Variants in PCDH7 observed in about 807,000 individuals in gnomAD.
The protein encoded by PCDH7 is protocadherin-7.
Under a neutral mutation model 58.9 loss-of-function variants are expected in PCDH7, and 17 were observed. The ratio of observed to expected loss-of-function variants is 0.29; its 90% CI spans 0.20 to 0.43. The LOEUF (loss-of-function observed/expected upper bound fraction) is 0.43, where lower values mean the gene tolerates loss of function less well. PCDH7 is among the 20% of genes least tolerant of loss of function. PCDH7 has a pLI of 1.00. For missense variants in PCDH7, 1,274 were observed against 1,441.0 expected (o/e 0.88, Z 1.88); for synonymous variants, 664 against 616.4 (o/e 1.08, Z -1.14).
chr4:30,972,423 A>G (rs1452963284), intron 3 of PCDH7, among the ~76,000 whole-genome samples: 1 of 152,218 alleles, frequency 6.6e-6, no homozygotes, highest in Non-Finnish European at 1.5e-5. Context: ...CAAAGGTTAT[A>G]AATGGTGAAC....
At chr4:30,727,597 T>A (rs1484730333) in intron 1 of PCDH7, among the ~76,000 whole-genome samples, 2 of 151,938 alleles carry the variant, frequency 1.3e-5, no homozygotes, top group Non-Finnish European at 2.9e-5. Context: ...CTGAGCAAAA[T>A]GTGGATCATT....
intron 1 of PCDH7, among the ~76,000 whole-genome samples, chr4:30,740,518 CATT>C (rs1716924706): frequency 6.6e-6 from 1 of 151,654 alleles, no homozygotes; most frequent in Admixed American, 6.6e-5. Context: ...TTATTTATAT[CATT>C]AGTACAGGTA....
rs548623425 is a variant in PCDH7 at position 31,086,143 on chromosome 4, G to A, written c.*8-56330G>A. On this transcript the variant is annotated intron_variant, in intron 3 of 3. Transcript: ENST00000509759. ...TTAAACCTTTGTAGAGGCTTATTAG[G>A]TGAGGAAGAAAAATAAGATTTGAGT... Among the ~76,000 whole-genome samples the A allele has an allele frequency of 5.9e-5, 9 of 152,220 alleles. No homozygotes were observed. The South Asian group carries it at 8.3e-4, about 14-fold the overall frequency.
intron 1 of PCDH7, among the ~76,000 whole-genome samples, chr4:30,828,755 A>G (rs1014187713): frequency 2.0e-5 from 3 of 152,046 alleles, no homozygotes; most frequent in South Asian, 2.1e-4. Context: ...TGCCTGTGCA[A>G]TTATGGCTGC....
intron 3 of PCDH7, among the ~76,000 whole-genome samples, chr4:30,978,835 T>C (rs1750299986): frequency 6.6e-6 from 1 of 152,122 alleles, no homozygotes; most frequent in African/African-American, 2.4e-5. Context: ...TTTTTCCTCT[T>C]TGCTAAATAA....
At chr4:30,845,037 C>T (rs565267825) in intron 1 of PCDH7, among the ~76,000 whole-genome samples, 32 of 152,198 alleles carry the variant, frequency 2.1e-4, no homozygotes, top group Admixed American at 1.0e-3. Flanking sequence ...CACTAATCTT[C>T]AGGGGAGTTT....
rs551976631 is a variant in PCDH7, at chr4:30,854,175, C to T, written c.71-65978C>T. Among the ~76,000 whole-genome samples the T allele has an allele frequency of 8.5e-4, 129 of 151,068 alleles. 2 individuals are homozygous for T. Among genetic ancestry groups the T allele is most frequent in the African/African-American group, 8.5e-4 (35 of 41,144 alleles). On this transcript the variant is annotated intron_variant, in intron 1 of 3. Transcript: ENST00000509759. ...CTTCTATTAAAAAAATCACAGTTTC[C>T]CCCACCTCATAGGCTACATCACAGC...
At chr4:30,817,350 T>C (rs1316021871) in intron 1 of PCDH7, among the ~76,000 whole-genome samples, 1 of 152,208 alleles carries the variant, frequency 6.6e-6, no homozygotes, top group Non-Finnish European at 1.5e-5. Context: ...TATGTTTCAG[T>C]ATGCTGAGTT....
chr4:30,721,984 G>A lies in PCDH7; in HGVS notation c.562G>A (p.Gly188Ser). The A allele has an allele frequency of 7.6e-7, 1 of 1,324,334 alleles. No homozygotes were observed. The allele number at this position is 1,324,334 out of a possible 1,614,324, so 82.0% of individuals were successfully genotyped here. ...CTACGAGCTGCTCCAGGAGCCCGGA[G>A]GCGGCGGCAGCGGCGGCGAGAGCCG... is the stretch of plus-strand genomic sequence containing the variant. Residue 188 changes from glycine (G) to serine (S), a missense_variant, in exon 1 of 2, where the codon GGC (glycine) becomes AGC (serine). By Grantham distance (56) the Gly-to-Ser change is moderately conservative. Coordinates refer to ENST00000361762, the Ensembl canonical transcript of PCDH7. This position sits in a 1 kb window ranked among gnomAD's most constrained non-coding sequence, Gnocchi z 6.7.
At chr4:30,863,546 C>T (rs1441253844) in intron 1 of PCDH7, among the ~76,000 whole-genome samples, 5 of 152,068 alleles carry the variant, frequency 3.3e-5, no homozygotes, top group African/African-American at 1.2e-4. Flanking sequence ...TAACCTCTGG[C>T]TTGTTAGGTT....
intron 3 of PCDH7, among the ~76,000 whole-genome samples, chr4:31,014,190 C>T (rs1350470121): frequency 6.6e-6 from 1 of 151,450 alleles, no homozygotes; most frequent in East Asian, 2.0e-4. Context: ...CAAAAATCTA[C>T]CCAGAGGGGT....
chr4:30,930,843 G>A (rs1197504125), intron 2 of PCDH7, among the ~76,000 whole-genome samples: 3 of 152,120 alleles, frequency 2.0e-5, no homozygotes, highest in African/African-American at 7.2e-5. Context: ...GGAGGTTGAT[G>A]CGTGAGGAGG....
chr4:31,063,485 T>C (rs1757850272), intron 3 of PCDH7, among the ~76,000 whole-genome samples: 1 of 151,686 alleles, frequency 6.6e-6, no homozygotes, highest in Admixed American at 6.6e-5. Flanking sequence ...ATTTAATAAA[T>C]AATGGTAATT....
chr4:31,079,854 G>T (rs1759356937), intron 3 of PCDH7, among the ~76,000 whole-genome samples: 1 of 151,944 alleles, frequency 6.6e-6, no homozygotes, highest in African/African-American at 2.4e-5. Context: ...AAATCAAAAT[G>T]AGCAAACTAG....
intron 3 of PCDH7, among the ~76,000 whole-genome samples, chr4:30,979,454 G>C (rs1578476139): frequency 6.6e-6 from 1 of 152,040 alleles, no homozygotes; most frequent in Non-Finnish European, 1.5e-5. Flanking sequence ...AATATACAAT[G>C]AGATGATTGG....
At chr4:30,885,521 T>A (rs1737596249) in intron 1 of PCDH7, among the ~76,000 whole-genome samples, 1 of 151,992 alleles carries the variant, frequency 6.6e-6, no homozygotes, top group Non-Finnish European at 1.5e-5. Flanking sequence ...CGATACTGTC[T>A]CTCTGTGTGT....
At chr4:30,974,188 C>CTCTTTCTCTTTCCCTCCCTTTCTT in intron 3 of PCDH7, among the ~76,000 whole-genome samples, 1 of 149,476 alleles carries the variant, frequency 6.7e-6, no homozygotes, top group East Asian at 2.0e-4. Flanking sequence ...TTCTTTCTTT[C>CTCTTTCTCTTTCCCTCCCTTTCTT]TCTTTCTCTT....
At chr4:31,120,907 T>C (rs1472990081) in intron 3 of PCDH7, among the ~76,000 whole-genome samples, 1 of 152,226 alleles carries the variant, frequency 6.6e-6, no homozygotes, top group Non-Finnish European at 1.5e-5. Flanking sequence ...ATAAAGAAGA[T>C]GCCTTCAATT....
At chr4:30,731,361 G>GTGTATATATATATATA (rs1553874736) in exon 2 of PCDH7, 1 of 149,840 alleles carries the variant, frequency 6.7e-6, no homozygotes, top group African/African-American at 2.5e-5. Flanking sequence ...GTGTGTGTGT[G>GTGTATATATATATATA]TATATATATA....
Sources: gnomAD v4.1 joint callset for allele counts (sites outside exome capture counted in the v4.1 genomes callset) on GRCh38, gnomAD v4.1.1 for gene constraint, Gnocchi (gnomAD v3.1) non-coding constraint, MANE v1.5 for transcripts, NCBI Gene and HGNC (gene_info 2026-07-23, HGNC 2026-07-21) for gene names.